Variants in DCC observed in about 807,000 individuals in gnomAD.
DCC encodes the protein netrin receptor DCC.
In DCC, 58 loss-of-function variants were observed where a neutral mutation model predicts 172.5. That is an observed-to-expected ratio of 0.34 (90% confidence interval 0.27 to 0.42). The LOEUF (loss-of-function observed/expected upper bound fraction) is 0.42, where lower values mean the gene tolerates loss of function less well. Ranked by LOEUF, DCC falls within the 10% of genes least tolerant of loss-of-function variation. DCC has a pLI of 1.00. For synonymous variants in DCC, 709 were observed against 644.5 expected (o/e 1.10, Z -1.52); for missense variants, 1,740 against 1,791.0 (o/e 0.97, Z 0.51).
At chr18:53,356,101 C>G (rs2057875057) in intron 15 of DCC, among the ~76,000 whole-genome samples, 1 of 152,026 alleles carries the variant, frequency 6.6e-6, no homozygotes, top group Non-Finnish European at 1.5e-5. Context: ...GTCACCCAGG[C>G]TGGAGTGCGG....
Position 52,820,709 on chromosome 18 carries a change from G to C in DCC, c.412+68335G>C, listed in dbSNP as rs537472717. Among the ~76,000 whole-genome samples the C allele has an allele frequency of 3.0e-3, 461 of 152,294 alleles. 2 individuals are homozygous for C. The highest frequency in any genetic ancestry group is 0.011 in the African/African-American group (447 of 41,568). ...ACCACATTAGGAGGGTCACCAGATA[G>C]AGAAGAGAGGTGATACATCCCAGAG... is the stretch of plus-strand genomic sequence containing the variant. On this transcript the variant is annotated intron_variant, in intron 2 of 28. Transcript: ENST00000442544.
At chr18:53,063,550 T>C (rs1237220521) in intron 6 of DCC, 91 bp downstream of exon 6, 4 of 1,061,768 alleles carry the variant, frequency 3.8e-6, no homozygotes, top group Admixed American at 2.3e-5. Context: ...AAAAAAAGGT[T>C]CCTGTTGGAG....
chr18:53,031,353 A>G (rs891375149), intron 5 of DCC, among the ~76,000 whole-genome samples: 4 of 152,202 alleles, frequency 2.6e-5, no homozygotes, highest in Admixed American at 2.6e-4. Flanking sequence ...GTCTTGTTGC[A>G]TTGTAAATTA....
chr18:52,889,413 C>T (rs998322373), intron 2 of DCC, among the ~76,000 whole-genome samples: 2 of 151,978 alleles, frequency 1.3e-5, no homozygotes, highest in African/African-American at 4.8e-5. Context: ...AGCCATTGAC[C>T]ACATACTACT....
chr18:53,384,934 G>A (rs1414913042), intron 15 of DCC, among the ~76,000 whole-genome samples: 15 of 150,386 alleles, frequency 1.0e-4, no homozygotes, highest in Non-Finnish European at 1.9e-4. Flanking sequence ...TGCAAGCTCC[G>A]CCTCCCAGGT....
intron 15 of DCC, among the ~76,000 whole-genome samples, chr18:53,351,735 A>G (rs1433299981): frequency 6.6e-6 from 1 of 151,598 alleles, no homozygotes; most frequent in Non-Finnish European, 1.5e-5. Context: ...GTTTTTCAAG[A>G]AAATGTTTTA....
chr18:52,892,989 GAA>G (rs34829669), intron 2 of DCC, among the ~76,000 whole-genome samples: 1 of 151,982 alleles, frequency 6.6e-6, no homozygotes, highest in Non-Finnish European at 1.5e-5. Context: ...TTATGGGGAG[GAA>G]AAATATATTA....
chr18:52,836,456 C>A (rs970046676), intron 2 of DCC, among the ~76,000 whole-genome samples: 2 of 152,316 alleles, frequency 1.3e-5, no homozygotes, highest in Non-Finnish European at 2.9e-5. Flanking sequence ...TTCCTAGATA[C>A]AATGTGGGTA....
At chr18:52,772,107 T>G (rs1568093095) in intron 2 of DCC, among the ~76,000 whole-genome samples, 1 of 152,200 alleles carries the variant, frequency 6.6e-6, no homozygotes, top group Non-Finnish European at 1.5e-5. Flanking sequence ...GTTGAATCAT[T>G]TTTGATTCTT....
intron 2 of DCC, among the ~76,000 whole-genome samples, chr18:52,779,881 G>T (rs911517210): frequency 6.6e-6 from 1 of 152,116 alleles, no homozygotes; most frequent in Non-Finnish European, 1.5e-5. Context: ...TTGTGGTTTT[G>T]ATTTGCATTT....
chr18:53,301,428 C>T (rs981342130), intron 12 of DCC, among the ~76,000 whole-genome samples: 1 of 147,082 alleles, frequency 6.8e-6, no homozygotes, highest in African/African-American at 2.6e-5. Flanking sequence ...TTTGTTTCTA[C>T]CACCTCAAAA....
At chr18:53,102,508 G>A (rs1225321689) in intron 7 of DCC, among the ~76,000 whole-genome samples, 2 of 151,964 alleles carry the variant, frequency 1.3e-5, no homozygotes, top group Non-Finnish European at 1.5e-5. Flanking sequence ...CTAATTTTTT[G>A]ATGTATATGT....
chr18:52,828,254 A>G (rs2038548847), intron 2 of DCC, among the ~76,000 whole-genome samples: 1 of 152,170 alleles, frequency 6.6e-6, no homozygotes, highest in South Asian at 2.1e-4. Context: ...GGAAACAAAT[A>G]CAAGATGTTA....
At position 53,402,827 on chromosome 18, in the gene DCC, G is replaced by T. The variant is rs1030075127; in HGVS notation, c.2869G>T (p.Glu957Ter). ...APKDLTVITR[E>*]GKPRAVIVSW... is the part of the protein sequence containing the mutation. The stretch of plus-strand genomic sequence containing the variant: ...CAAGGACTTGACAGTCATTACTAGG[G>T]AAGGGAAGCCTCGTGCCGTCATTGT... Residue 957 changes from glutamate to a stop codon, truncating the protein, a stop_gained, in exon 19 of 29, where the codon GAA becomes TAA. Coordinates refer to ENST00000442544, the MANE Select transcript of DCC (RefSeq NM_005215.4). LOFTEE classifies it high-confidence loss of function. 6.2e-6 allele frequency: 10 copies of T among 1,614,090 alleles called. No homozygotes were observed. Among genetic ancestry groups the T allele is most frequent in the Non-Finnish European group, 8.5e-6 (10 of 1,179,988 alleles).
At chr18:52,739,766 G>T (rs12969584) in intron 1 of DCC, among the ~76,000 whole-genome samples, 37,137 of 152,158 alleles carry the variant, frequency 0.24, 5,241 homozygotes, top group South Asian at 0.36. Context: ...TGCTAGTATG[G>T]TGGGTCCAAG....
At chr18:52,805,509 G>C (rs1417038478) in intron 2 of DCC, among the ~76,000 whole-genome samples, 1 of 152,210 alleles carries the variant, frequency 6.6e-6, no homozygotes, top group Non-Finnish European at 1.5e-5. Context: ...AGAAGAGCCA[G>C]AGAGGTAGGA....
chr18:53,029,020 G>A (rs7244768), intron 5 of DCC, among the ~76,000 whole-genome samples: 5,983 of 151,726 alleles, frequency 0.039, 370 homozygotes, highest in African/African-American at 0.13. Flanking sequence ...TTCACAAAGA[G>A]GTGAACTAAA....
intron 1 of DCC, among the ~76,000 whole-genome samples, chr18:52,633,463 G>C (rs56095154): frequency 0.037 from 5,602 of 152,228 alleles, 169 homozygotes; most frequent in Middle Eastern, 0.061. Flanking sequence ...GCCCTAATTA[G>C]TTGTGTAGCC....
intron 2 of DCC, among the ~76,000 whole-genome samples, chr18:52,900,372 A>G (rs1598911583): frequency 1.3e-5 from 2 of 152,206 alleles, no homozygotes; most frequent in African/African-American, 4.8e-5. Context: ...TTACAGAACA[A>G]TGGAAGATCC....
Sources: gnomAD v4.1 joint callset for allele counts (sites outside exome capture counted in the v4.1 genomes callset) on GRCh38, gnomAD v4.1.1 for gene constraint, MANE v1.5 for transcripts, NCBI Gene and HGNC (gene_info 2026-07-23, HGNC 2026-07-21) for gene names.